NRG3: variants seen among roughly 807,000 people sequenced by gnomAD.
The protein encoded by NRG3 is neuregulin 3, also known as pro-neuregulin-3, membrane-bound isoform.
NRG3 carries 31 observed loss-of-function variants against 66.9 expected under a neutral mutation model. The observed-to-expected ratio is 0.46, with a 90% CI of 0.35 to 0.63. The LOEUF is 0.63. Ranked by LOEUF, NRG3 falls within the 20% of genes least tolerant of loss-of-function variation. The pLI is 0.00. For synonymous variants in NRG3, 393 were observed against 359.4 expected, an observed-to-expected ratio of 1.09 and a Z score of -1.06; for missense variants, 910 against 878.9, an observed-to-expected ratio of 1.04 and a Z score of -0.45.
At chr10:82,676,967 C>G (rs1358421710) in intron 2 of NRG3, among the ~76,000 whole-genome samples, 1 of 151,918 alleles carries the variant, frequency 6.6e-6, no homozygotes, top group Non-Finnish European at 1.5e-5. Flanking sequence ...AACTCTTAAT[C>G]TGGAGCATGC....
At chr10:82,732,837 T>C (rs2057980122) in intron 2 of NRG3, among the ~76,000 whole-genome samples, 1 of 152,204 alleles carries the variant, frequency 6.6e-6, no homozygotes, top group Non-Finnish European at 1.5e-5. Flanking sequence ...AGACGATCTT[T>C]CCATTTTCCC....
chr10:82,209,343 ACACTCT>A (rs1839162901), intron 1 of NRG3, among the ~76,000 whole-genome samples: 1 of 76,492 alleles, frequency 1.3e-5, no homozygotes, highest in Non-Finnish European at 3.2e-5. Context: ...CATACATATT[ACACTCT>A]CTCTCTCAAA....
At chr10:82,013,127 T>C (rs1163771843) in intron 1 of NRG3, among the ~76,000 whole-genome samples, 1 of 152,194 alleles carries the variant, frequency 6.6e-6, no homozygotes, top group Non-Finnish European at 1.5e-5. Context: ...ATTGGTTTAA[T>C]GGACTCACAG....
intron 1 of NRG3, among the ~76,000 whole-genome samples, chr10:82,289,000 C>G (rs766025848): frequency 3.2e-4 from 48 of 152,296 alleles, no homozygotes; most frequent in Admixed American, 6.5e-4. Context: ...GCACCTGTAT[C>G]TTTAGTAGAA....
In NRG3 at chr10:82,720,810, C is replaced by CATATATATATATAT. The variant is rs5786567; in HGVS notation, c.954-17748_954-17735dup. On this transcript the variant is annotated intron_variant, in intron 2 of 8. Coordinates refer to ENST00000372141, the MANE Select transcript of NRG3 (RefSeq NM_001010848.4). ...AACACATATATAGGAGTATTTTATA[C>CATATATATATATAT]ATATATATATATATATATATATATA... 5.3e-3 allele frequency among the ~76,000 whole-genome samples: 612 copies of CATATATATATATAT among 114,556 alleles called. 13 individuals are homozygous for CATATATATATATAT. The highest frequency in any genetic ancestry group is 0.015 in the East Asian group (60 of 4,136). 75.2% of individuals were successfully genotyped at this position (114,556 alleles called of 152,430 possible). A position where few individuals can be genotyped will look rare whatever the true frequency, so the allele number is the denominator to read the frequency against.
At chr10:82,643,171 T>C (rs1267777955) in intron 2 of NRG3, among the ~76,000 whole-genome samples, 1 of 152,190 alleles carries the variant, frequency 6.6e-6, no homozygotes, top group South Asian at 2.1e-4. Flanking sequence ...AAATCTCATC[T>C]TGTAGCTCCC....
chr10:82,287,935 A>G (rs142173810), intron 1 of NRG3, among the ~76,000 whole-genome samples: 191 of 152,254 alleles, frequency 1.3e-3, no homozygotes, highest in African/African-American at 4.3e-3. Flanking sequence ...TCGGGAGTAA[A>G]TTCTGTGTCA....
At chr10:82,603,533 A>C (rs908194750) in intron 2 of NRG3, among the ~76,000 whole-genome samples, 10 of 152,210 alleles carry the variant, frequency 6.6e-5, no homozygotes, top group Non-Finnish European at 1.2e-4. Flanking sequence ...CCCAGTGTCC[A>C]CATTTCCTGC....
chr10:82,282,138 T>C (rs996313203), intron 1 of NRG3, among the ~76,000 whole-genome samples: 2 of 152,172 alleles, frequency 1.3e-5, no homozygotes, highest in African/African-American at 4.8e-5. Context: ...TTGCCCAGTC[T>C]AATGAAACTG....
intron 3 of NRG3, among the ~76,000 whole-genome samples, chr10:82,746,546 C>G (rs1460309542): frequency 6.6e-6 from 1 of 152,158 alleles, no homozygotes; most frequent in East Asian, 1.9e-4. Context: ...CTGTCAGGAT[C>G]AAAGATGACA....
At position 81,919,127 on chromosome 10, in the gene NRG3, G is replaced by A. The variant is rs1846002625; in HGVS notation, c.823+42964G>A. Among the ~76,000 whole-genome samples the A allele has an allele frequency of 2.6e-5, 4 of 152,192 alleles. No individual in the cohort carries two copies. In the South Asian group the frequency reaches 8.3e-4, roughly 31 times the overall value. ...GTAACCCATCTGTTGAATTCTTGTTGGAATTAACTGAGAGTTTGTATGGAA... is the reference window on the plus strand; with the variant it reads ...GTAACCCATCTGTTGAATTCTTGTTAGAATTAACTGAGAGTTTGTATGGAA... On this transcript the variant is annotated intron_variant, in intron 1 of 8. Coordinates refer to ENST00000372141, the MANE Select transcript of NRG3 (RefSeq NM_001010848.4).
intron 3 of NRG3, among the ~76,000 whole-genome samples, chr10:82,757,067 G>A (rs1223970192): frequency 2.0e-5 from 3 of 151,942 alleles, no homozygotes; most frequent in Admixed American, 6.6e-5. Flanking sequence ...AATGGCATCC[G>A]GAGCTGAAAA....
intron 2 of NRG3, among the ~76,000 whole-genome samples, chr10:82,648,371 T>G (rs528986509): frequency 2.7e-3 from 418 of 152,200 alleles, no homozygotes; most frequent in Non-Finnish European, 4.6e-3. Flanking sequence ...TATATCTCTG[T>G]TTTGGTACCA....
At chr10:82,351,948 T>A (rs1180074350) in intron 1 of NRG3, among the ~76,000 whole-genome samples, 1 of 152,250 alleles carries the variant, frequency 6.6e-6, no homozygotes, top group Non-Finnish European at 1.5e-5. Context: ...TCTTCACTTC[T>A]ACATAGCATT....
At chr10:82,446,815 A>G (rs1485991341) in intron 2 of NRG3, among the ~76,000 whole-genome samples, 1 of 152,164 alleles carries the variant, frequency 6.6e-6, no homozygotes, top group Non-Finnish European at 1.5e-5. Flanking sequence ...AAAAAATTCA[A>G]AACTGCTTCC....
chr10:82,544,822 G>A (rs1256584255), intron 2 of NRG3, among the ~76,000 whole-genome samples: 3 of 152,128 alleles, frequency 2.0e-5, no homozygotes, highest in Non-Finnish European at 2.9e-5. Flanking sequence ...TTTTAGTAAG[G>A]CATGCATATA....
At chr10:82,497,307 C>T (rs746101227) in intron 2 of NRG3, among the ~76,000 whole-genome samples, 29 of 152,226 alleles carry the variant, frequency 1.9e-4, no homozygotes, top group South Asian at 6.2e-4. Context: ...TAGTATTTCA[C>T]CATGATTAAC....
chr10:82,130,758 T>C (rs559994539), intron 1 of NRG3, among the ~76,000 whole-genome samples: 2 of 152,278 alleles, frequency 1.3e-5, no homozygotes, highest in African/African-American at 4.8e-5. Flanking sequence ...TGATATCTCA[T>C]TGTAGTTTTG....
intron 1 of NRG3, among the ~76,000 whole-genome samples, chr10:81,956,126 A>T (rs894356168): frequency 3.3e-5 from 5 of 152,136 alleles, no homozygotes; most frequent in African/African-American, 1.2e-4. Context: ...TTTCTGCTTG[A>T]AACTTTGTGG....
Sources: gnomAD v4.1 joint callset for allele counts (sites outside exome capture counted in the v4.1 genomes callset) on GRCh38, gnomAD v4.1.1 for gene constraint, MANE v1.5 for transcripts, NCBI Gene and HGNC (gene_info 2026-07-23, HGNC 2026-07-21) for gene names.